MDM4: variants seen among roughly 807,000 people sequenced by gnomAD.
The protein encoded by MDM4 is protein Mdm4.
Under a neutral mutation model 60.2 loss-of-function variants are expected in MDM4, and 2 were observed. The ratio of observed to expected loss-of-function variants is 0.03; its 90% CI spans 0.01 to 0.10. The LOEUF (loss-of-function observed/expected upper bound fraction) is 0.10, where lower values mean the gene tolerates loss of function less well. MDM4 is among the 10% of genes least tolerant of loss of function. MDM4 has a pLI of 1.00. For missense variants in MDM4, 447 were observed against 577.5 expected (o/e 0.77, Z 2.32); for synonymous variants, 202 against 198.1 (o/e 1.02, Z -0.17).
chr1:204,543,671 G>A (rs547371637), intron 8 of MDM4, among the ~76,000 whole-genome samples: 5 of 152,288 alleles, frequency 3.3e-5, no homozygotes, highest in Admixed American at 6.5e-5. Flanking sequence ...GGATCCATTC[G>A]CTTTTTGTTT....
intron 5 of MDM4, among the ~76,000 whole-genome samples, chr1:204,535,490 A>G (rs1661315279): frequency 6.6e-6 from 1 of 150,982 alleles, no homozygotes; most frequent in African/African-American, 2.4e-5. Flanking sequence ...TGTCTCTCCA[A>G]ATTTTCCCAT....
In MDM4 at chr1:204,550,160, C is replaced by T. The variant is rs1386435328; in HGVS notation, c.*478C>T. 1.3e-5 allele frequency: 3 copies of T among 224,916 alleles called. No individual in the cohort carries two copies. Among genetic ancestry groups the T allele is most frequent in the Admixed American group, 5.8e-5 (1 of 17,194 alleles). 13.9% of individuals were successfully genotyped at this position (224,916 alleles called of 1,614,324 possible). Reference sequence around the variant, plus strand: ...TTTTTTTTTTGCACTTTTTTTTTTCCGGGGGTATAGGGGAGGTGTGGGGCG... The same window carrying T: ...TTTTTTTTTTGCACTTTTTTTTTTCTGGGGGTATAGGGGAGGTGTGGGGCG... On this transcript the variant is annotated 3_prime_UTR_variant, in exon 11 of 11. Coordinates refer to ENST00000367182, the MANE Select transcript of MDM4 (RefSeq NM_002393.5).
intron 3 of MDM4, 42 bp downstream of exon 3, chr1:204,526,476 T>G (rs765959439): frequency 3.3e-5 from 49 of 1,496,778 alleles, no homozygotes; most frequent in Non-Finnish European, 4.0e-5. Flanking sequence ...TGTTTTTTTT[T>G]TTTTTGAGAT....
intron 2 of MDM4, 32 bp downstream of exon 2, chr1:204,525,628 G>GTTTTT: frequency 9.0e-7 from 1 of 1,112,284 alleles, no homozygotes; most frequent in Non-Finnish European, 1.3e-6. Context: ...TAGTTTTTTG[G>GTTTTT]TTTTTTTTTT....
intron 5 of MDM4, chr1:204,537,078 G>C: frequency 3.8e-6 from 1 of 264,766 alleles, no homozygotes; most frequent in East Asian, 1.0e-4. Context: ...AGGCGAATTT[G>C]GTAATATATA....
At chr1:204,525,626 T>TG (rs1165379482) in intron 2 of MDM4, 30 bp downstream of exon 2, 1 of 1,448,246 alleles carries the variant, frequency 6.9e-7, no homozygotes. Flanking sequence ...TCTAGTTTTT[T>TG]GGTTTTTTTT....
At chr1:204,542,727 A>T in intron 7 of MDM4, 57 bp from the exon 8 acceptor site, 1 of 1,269,644 alleles carries the variant, frequency 7.9e-7, no homozygotes, top group Non-Finnish European at 1.1e-6. Context: ...TTCTAAAGAT[A>T]GTCTTAGTTA....
intron 3 of MDM4, chr1:204,529,103 T>A: frequency 7.5e-7 from 1 of 1,325,892 alleles, no homozygotes. Flanking sequence ...TAATGGAGCC[T>A]GAGTTGTCCC....
Position 204,549,422 on chromosome 1 carries a change from G to C in MDM4, c.1213G>C (p.Glu405Gln). 1 of 1,613,274 alleles carries C rather than the reference G, an allele frequency of 6.2e-7. No individual in the cohort carries two copies. The highest frequency in any genetic ancestry group is 8.5e-7 in the Non-Finnish European group (1 of 1,179,850). ...LDLAHSSESQ[E>Q]TISSMGEQLD... ...TTTGGCTCACAGTTCTGAAAGCCAA[G>C]AGACCATCTCAAGCATGGGAGAACA... Residue 405 changes from glutamate (E) to glutamine (Q), a missense_variant, in exon 11 of 11, where the codon GAG (glutamate) becomes CAG (glutamine). Transcript: ENST00000367182.
rs1260408873 is a variant in MDM4, at chr1:204,554,828, T to A, written c.*5146T>A. The A allele has an allele frequency of 4.4e-6, 1 of 225,176 alleles. No homozygotes were observed. Among genetic ancestry groups the A allele is most frequent in the Non-Finnish European group, 8.8e-6 (1 of 113,146 alleles). 13.9% of individuals were successfully genotyped at this position (225,176 alleles called of 1,614,324 possible). ...TATAGGAGCCATTGGATTTCTTTCC[T>A]TTTGTGGGAAATGTCCCATTAGCAT... On this transcript the variant is annotated 3_prime_UTR_variant, in exon 11 of 11. Transcript: ENST00000367182.
chr1:204,528,633 G>C (rs1313234610), intron 3 of MDM4, among the ~76,000 whole-genome samples: 3 of 152,158 alleles, frequency 2.0e-5, no homozygotes, highest in Non-Finnish European at 4.4e-5. Flanking sequence ...TCCTTCATCA[G>C]GCCCCTACCT....
intron 5 of MDM4, chr1:204,532,496 CTT>C: frequency 3.6e-6 from 2 of 555,034 alleles, no homozygotes; most frequent in Non-Finnish European, 6.3e-6. Flanking sequence ...TCTAGACACA[CTT>C]TTAAAAATCT....
chr1:204,521,355 G>C (rs918591405), intron 1 of MDM4, among the ~76,000 whole-genome samples: 21 of 152,178 alleles, frequency 1.4e-4, no homozygotes, highest in Non-Finnish European at 2.9e-5. Flanking sequence ...CAGCTGTTAA[G>C]TCAGGTGCAG....
chr1:204,538,798 T>C (rs1037867314), intron 7 of MDM4, among the ~76,000 whole-genome samples: 1 of 151,656 alleles, frequency 6.6e-6, no homozygotes, highest in Admixed American at 6.6e-5. Context: ...CTCCACCTCC[T>C]TGGTTCAAGT....
intron 3 of MDM4, among the ~76,000 whole-genome samples, chr1:204,527,068 A>C (rs1465011279): frequency 6.6e-6 from 1 of 150,386 alleles, no homozygotes; most frequent in Admixed American, 6.6e-5. Context: ...GCTGAGGTGG[A>C]GGGATTGCAT....
Position 204,522,157 on chromosome 1 carries a change from C to A in MDM4, c.-35-3327C>A, listed in dbSNP as rs868811992. ...GACCAGCCTGGGCAACATAGCAAGA[C>A]CCCGTCTCTACAAAAAATAAATTAG... is the stretch of plus-strand genomic sequence containing the variant. On this transcript the variant is annotated intron_variant, in intron 1 of 10. Coordinates refer to ENST00000367182, the MANE Select transcript of MDM4 (RefSeq NM_002393.5). Among the ~76,000 whole-genome samples, 123 of 152,098 alleles carry A rather than the reference C, an allele frequency of 8.1e-4. 1 individual carries two copies. The Middle Eastern group carries it at 0.014, about 17-fold the overall frequency.
chr1:204,543,423 C>T (rs1378388958), intron 8 of MDM4, among the ~76,000 whole-genome samples: 2 of 152,198 alleles, frequency 1.3e-5, no homozygotes, highest in Non-Finnish European at 2.9e-5. Flanking sequence ...TTCCTCACTT[C>T]CTGTCATTCT....
chr1:204,546,806 G>A lies in MDM4; in HGVS notation c.832G>A (p.Val278Met). 1 of 1,611,840 alleles carries A rather than the reference G, an allele frequency of 6.2e-7. No homozygotes were observed. Among genetic ancestry groups the A allele is most frequent in the Non-Finnish European group, 8.5e-7 (1 of 1,178,232 alleles). Reference protein sequence around the residue: ...GKVSDKKVIEVGKNDDLEDSK... With the variant: ...GKVSDKKVIEMGKNDDLEDSK... ...GTTTTTGCCTTCACAGGTGATTGAA[G>A]TGGGAAAAAATGATGACCTGGAGGA... The change falls in exon 10 of 11, where the codon GTG (valine) becomes ATG (methionine). Residue 278 changes from valine (V) to methionine (M), a missense_variant. This residue lies in a region of MDM4 where 184 missense variants were observed against 179.3 expected (regional missense o/e 1.03). Coordinates refer to ENST00000367182, the MANE Select transcript of MDM4 (RefSeq NM_002393.5).
intron 6 of MDM4, chr1:204,537,735 A>G (rs1444084565): frequency 3.3e-6 from 2 of 599,150 alleles, no homozygotes; most frequent in South Asian, 2.1e-5. Context: ...TTCCAGTTGC[A>G]TTTTTCTTTG....
Sources: gnomAD v4.1 joint callset for allele counts (sites outside exome capture counted in the v4.1 genomes callset) on GRCh38, gnomAD v4.1.1 for gene constraint, gnomAD v4.1.1 regional missense constraint, MANE v1.5 for transcripts, NCBI Gene and HGNC (gene_info 2026-07-23, HGNC 2026-07-21) for gene names.